Variants in RAPGEF4 observed in about 807,000 individuals in gnomAD.
RAPGEF4 encodes Rap guanine nucleotide exchange factor 4, also known as RAP guanine-nucleotide-exchange factor (GEF) 4.
Under a neutral mutation model 147.9 loss-of-function variants are expected in RAPGEF4, and 66 were observed. The observed-to-expected ratio is 0.45, with a 90% CI of 0.37 to 0.55. RAPGEF4 has a LOEUF of 0.55. Among genes scored for constraint, RAPGEF4 ranks in the 20% least tolerant of loss-of-function variants. The pLI is 0.00. For missense variants in RAPGEF4, 1,071 were observed against 1,257.3 expected, an observed-to-expected ratio of 0.85 and a Z score of 2.24; for synonymous variants, 419 against 442.7, an observed-to-expected ratio of 0.95 and a Z score of 0.67.
intron 4 of RAPGEF4, among the ~76,000 whole-genome samples, chr2:172,824,161 G>T (rs547779863): frequency 6.6e-6 from 1 of 152,200 alleles, no homozygotes; most frequent in South Asian, 2.1e-4. Flanking sequence ...GAACTTTTTG[G>T]TAACTTTCAT....
chr2:172,757,955 A>G (rs1410237884), intron 1 of RAPGEF4, among the ~76,000 whole-genome samples: 1 of 152,246 alleles, frequency 6.6e-6, no homozygotes, highest in African/African-American at 2.4e-5. Context: ...GAAATAGATA[A>G]TAAACCATAA....
At chr2:172,783,493 A>G (rs1111510) in intron 1 of RAPGEF4, among the ~76,000 whole-genome samples, 147,489 of 152,236 alleles carry the variant, frequency 0.97, 71,609 homozygotes, top group East Asian at 1. Context: ...TTTCCAAAGG[A>G]TCACAGGGGT....
intron 27 of RAPGEF4, among the ~76,000 whole-genome samples, chr2:173,034,653 T>C (rs35730673): frequency 0.05 from 7,663 of 151,970 alleles, 220 homozygotes; most frequent in Admixed American, 0.082. Context: ...AAAGGTGGAT[T>C]ACTTGAGGTC....
intron 4 of RAPGEF4, chr2:172,889,845 C>G: frequency 1.0e-6 from 1 of 978,780 alleles, no homozygotes; most frequent in Non-Finnish European, 1.2e-6. Context: ...CTTCTCTTAG[C>G]AGATTTTGCA....
chr2:172,795,251 G>C (rs777610521), intron 2 of RAPGEF4, 84 bp downstream of exon 2: 139 of 1,335,730 alleles, frequency 1.0e-4, no homozygotes, highest in Non-Finnish European at 1.4e-4. Context: ...ATAGCAAATG[G>C]AGTATTTATG....
intron 4 of RAPGEF4, among the ~76,000 whole-genome samples, chr2:172,855,371 A>G (rs1693298861): frequency 6.6e-6 from 1 of 152,182 alleles, no homozygotes; most frequent in African/African-American, 2.4e-5. Flanking sequence ...TGATGATATT[A>G]TACCTATCTG....
chr2:172,904,831 C>T (rs549112414), intron 4 of RAPGEF4, among the ~76,000 whole-genome samples: 4 of 151,970 alleles, frequency 2.6e-5, no homozygotes, highest in Admixed American at 6.6e-5. Context: ...TCCTTGTTTT[C>T]CCATCAAAAC....
chr2:172,857,412 G>A, intron 4 of RAPGEF4, among the ~76,000 whole-genome samples: 1 of 152,198 alleles, frequency 6.6e-6, no homozygotes, highest in Non-Finnish European at 1.5e-5. Flanking sequence ...CTCATCCCAA[G>A]ATCTCATTAC....
chr2:172,913,172 A>C (rs776919867), intron 4 of RAPGEF4, among the ~76,000 whole-genome samples: 37 of 152,088 alleles, frequency 2.4e-4, no homozygotes, highest in Non-Finnish European at 2.1e-4. Flanking sequence ...CTGGGATTAC[A>C]GGTATGAGCC....
At position 172,938,972 on chromosome 2, in the gene RAPGEF4, A is replaced by G. The variant is rs567780933; in HGVS notation, c.537+16672A>G. On this transcript the variant is annotated intron_variant, in intron 6 of 30. Transcript: ENST00000397081. ...ACTTAGCAATATGCACTTAAGATTC[A>G]ATGTCCTTGCATTGCTTGATAGTTT... Among the ~76,000 whole-genome samples the G allele has an allele frequency of 1.2e-4, 19 of 152,328 alleles. No individual in the cohort carries two copies. In the East Asian group the frequency reaches 3.7e-3, roughly 29 times the overall value.
chr2:173,001,299 G>A lies in RAPGEF4; in HGVS notation c.1613G>A (p.Cys538Tyr). 2 of 1,613,854 alleles carry A rather than the reference G, an allele frequency of 1.2e-6. No individual in the cohort carries two copies. The highest frequency in any genetic ancestry group is 1.7e-6 in the Non-Finnish European group (2 of 1,179,922). Reference sequence around the variant, plus strand: ...TTAAATGACTTTATTATGATGCACTGTGTTTTTATGCCAAATACCCAGCTT... The same window carrying A: ...TTAAATGACTTTATTATGATGCACTATGTTTTTATGCCAAATACCCAGCTT... The part of the protein sequence containing the change: ...SVLNDFIMMH[C>Y]VFMPNTQLCP... The change falls in exon 17 of 31, where the codon TGT becomes TAT. Residue 538 changes from cysteine (C) to tyrosine (Y), a missense_variant. Coordinates refer to ENST00000397081, the MANE Select transcript of RAPGEF4 (RefSeq NM_007023.4).
chr2:172,922,006 G>A (rs1340855968), intron 5 of RAPGEF4, among the ~76,000 whole-genome samples: 1 of 152,178 alleles, frequency 6.6e-6, no homozygotes, highest in African/African-American at 2.4e-5. Context: ...AATCAGTGAT[G>A]GGTATTTACC....
intron 17 of RAPGEF4, among the ~76,000 whole-genome samples, chr2:173,008,075 C>CA (rs965473499): frequency 6.6e-6 from 1 of 151,772 alleles, no homozygotes; most frequent in Non-Finnish European, 1.5e-5. Context: ...TGTGGCCCCC[C>CA]CATGCTGTTC....
At chr2:172,894,277 G>C (rs1451084351) in intron 4 of RAPGEF4, 2 of 152,214 alleles carry the variant, frequency 1.3e-5, no homozygotes, top group East Asian at 3.9e-4. Flanking sequence ...CTCTGCTTAG[G>C]ACTTTTTCAG....
intron 1 of RAPGEF4, among the ~76,000 whole-genome samples, chr2:172,778,611 C>T (rs1379672684): frequency 2.6e-5 from 4 of 152,018 alleles, no homozygotes; most frequent in Non-Finnish European, 5.9e-5. Flanking sequence ...TAAGGGATTT[C>T]TTTGAGTGCA....
chr2:173,039,857 T>G (rs1479388063), intron 29 of RAPGEF4, among the ~76,000 whole-genome samples: 1 of 152,152 alleles, frequency 6.6e-6, no homozygotes, highest in Non-Finnish European at 1.5e-5. Flanking sequence ...ACATTTTATC[T>G]CATGTGAGAA....
chr2:173,004,325 A>G (rs937291714), intron 17 of RAPGEF4, among the ~76,000 whole-genome samples: 1 of 152,198 alleles, frequency 6.6e-6, no homozygotes, highest in Non-Finnish European at 1.5e-5. Context: ...TTTGAAAATC[A>G]TATTTGTTCA....
intron 4 of RAPGEF4, among the ~76,000 whole-genome samples, chr2:172,826,983 A>T (rs1216064740): frequency 6.6e-6 from 1 of 151,950 alleles, no homozygotes; most frequent in Admixed American, 6.6e-5. Flanking sequence ...AAAGAAAAGT[A>T]TGAAGTTTTA....
At chr2:172,811,935 A>G (rs1281735018) in intron 3 of RAPGEF4, among the ~76,000 whole-genome samples, 1 of 152,214 alleles carries the variant, frequency 6.6e-6, no homozygotes, top group East Asian at 1.9e-4. Flanking sequence ...CATAGACTGT[A>G]AAGATAGTGA....
Sources: gnomAD v4.1 joint callset for allele counts (sites outside exome capture counted in the v4.1 genomes callset) on GRCh38, gnomAD v4.1.1 for gene constraint, MANE v1.5 for transcripts, NCBI Gene and HGNC (gene_info 2026-07-23, HGNC 2026-07-21) for gene names.